The following STK33 variants were observed in gnomAD, a reference collection of about 807,000 sequenced individuals.
The protein encoded by STK33 is serine/threonine kinase 33, also known as serine/threonine-protein kinase 33.
A neutral mutation model predicts 58.0 loss-of-function variants in STK33; 52 were observed. The observed-to-expected ratio is 0.90, with a 90% CI of 0.72 to 1.13. The LOEUF is 1.13. Among genes scored for constraint, STK33 ranks in the 50% most tolerant of loss-of-function variants. The pLI is 0.00. For missense variants in STK33, 630 were observed against 604.2 expected (o/e 1.04, Z -0.45); for synonymous variants, 215 against 200.1 (o/e 1.07, Z -0.63).
At chr11:8,394,427 T>C (rs748056025) in intron 15 of STK33, among the ~76,000 whole-genome samples, 1 of 152,246 alleles carries the variant, frequency 6.6e-6, no homozygotes, top group Non-Finnish European at 1.5e-5. Flanking sequence ...TGAGTTATCA[T>C]CCAAGTTGTT....
intron 7 of STK33, among the ~76,000 whole-genome samples, chr11:8,463,042 A>T (rs913621098): frequency 6.6e-6 from 1 of 152,140 alleles, no homozygotes; most frequent in Non-Finnish European, 1.5e-5. Context: ...TTAAAATTTT[A>T]CCTAGTGTCA....
At chr11:8,418,085 ATT>A (rs146612983) in intron 14 of STK33, among the ~76,000 whole-genome samples, 2 of 150,226 alleles carry the variant, frequency 1.3e-5, no homozygotes, top group East Asian at 3.9e-4. Context: ...CTGGCTTTTC[ATT>A]TTTTTTTTAA....
intron 6 of STK33, among the ~76,000 whole-genome samples, chr11:8,469,722 G>A (rs1948591734): frequency 6.6e-6 from 1 of 152,176 alleles, no homozygotes. Flanking sequence ...CTACAAAACA[G>A]AAATCACTCT....
intron 1 of STK33, chr11:8,580,708 C>G (rs536911455): frequency 6.6e-6 from 1 of 152,132 alleles, no homozygotes; most frequent in Non-Finnish European, 1.5e-5. Flanking sequence ...GCATTGCTTG[C>G]CTATATCAAA....
At chr11:8,336,940 G>A in the STK33 span, among the ~76,000 whole-genome samples, 2 of 152,254 alleles carry the variant, frequency 1.3e-5, no homozygotes, top group Non-Finnish European at 2.9e-5. Context: ...GTGGCTCAGA[G>A]GAGGCCTCCT....
At chr11:8,461,981 T>C (rs1412628609) in intron 7 of STK33, 72 bp from the exon 8 acceptor site, 2 of 1,224,262 alleles carry the variant, frequency 1.6e-6, no homozygotes, top group Admixed American at 5.7e-5. Context: ...AAAAGTTATT[T>C]TATGTTTTCC....
At chr11:8,525,600 G>A (rs750994156) in intron 1 of STK33, among the ~76,000 whole-genome samples, 9 of 152,002 alleles carry the variant, frequency 5.9e-5, no homozygotes, top group African/African-American at 1.4e-4. Flanking sequence ...AATTTCAGGC[G>A]GATTATAAAT....
In STK33 at chr11:8,401,815, G is replaced by A. The variant is rs549798900; in HGVS notation, c.1345-9105C>T. On this transcript the variant is annotated intron_variant, in intron 15 of 15. Coordinates refer to ENST00000687296, the MANE Select transcript of STK33 (RefSeq NM_001352389.2). ...CAAAAAGTGGGCAAAGGATATGAAC[G>A]GACACTTCTCAAAAGAAGACATTTA... is the stretch of plus-strand genomic sequence containing the variant. Among the ~76,000 whole-genome samples, 477 of 151,950 alleles carry A rather than the reference G, an allele frequency of 3.1e-3. 3 individuals are homozygous for A. The highest frequency in any genetic ancestry group is 1.0e-2 in the African/African-American group (412 of 41,404).
At chr11:8,505,481 C>T (rs2139265240) in intron 1 of STK33, among the ~76,000 whole-genome samples, 1 of 152,256 alleles carries the variant, frequency 6.6e-6, no homozygotes, top group South Asian at 2.1e-4. Flanking sequence ...TCCTACCATC[C>T]TGCCCTTGCC....
chr11:8,474,925 A>C lies in STK33; in HGVS notation c.-20T>G, dbSNP rs1292120850. ...AGCCATTTGTTTAACTCTGCAACAA[A>C]AGCAACTTTAAAAATGTTTCCACTG... On this transcript the variant is annotated 5_prime_UTR_variant, in exon 5 of 16. Coordinates refer to ENST00000687296, the MANE Select transcript of STK33 (RefSeq NM_001352389.2). 6.5e-7 allele frequency: 1 copy of C among 1,547,574 alleles called. No individual in the cohort carries two copies. The highest frequency in any genetic ancestry group is 2.3e-5 in the East Asian group (1 of 43,910).
chr11:8,504,443 T>G (rs1951730053), intron 1 of STK33, among the ~76,000 whole-genome samples: 1 of 152,114 alleles, frequency 6.6e-6, no homozygotes, highest in South Asian at 2.1e-4. Flanking sequence ...GAGCCAATTG[T>G]TAAATTTTCA....
chr11:8,338,414 ATGTC>A, the STK33 span, among the ~76,000 whole-genome samples: 1 of 152,192 alleles, frequency 6.6e-6, no homozygotes, highest in Admixed American at 6.5e-5. Flanking sequence ...GTCCAGGACG[ATGTC>A]TCTGATCCTA....
intron 1 of STK33, among the ~76,000 whole-genome samples, chr11:8,570,913 A>AC (rs528346515): frequency 2.9e-4 from 44 of 152,322 alleles, no homozygotes; most frequent in African/African-American, 9.9e-4. Context: ...CACAGAGGAC[A>AC]GTTCTGCTTC....
At chr11:8,439,327 A>G (rs1944430809) in intron 12 of STK33, among the ~76,000 whole-genome samples, 1 of 152,138 alleles carries the variant, frequency 6.6e-6, no homozygotes. Flanking sequence ...ATATTATAAT[A>G]TGGTTTTTAA....
intron 8 of STK33, among the ~76,000 whole-genome samples, chr11:8,457,931 T>C (rs1407845738): frequency 6.6e-6 from 1 of 152,160 alleles, no homozygotes; most frequent in African/African-American, 2.4e-5. Flanking sequence ...GTTAATAACA[T>C]GGAGAACTTG....
At chr11:8,390,891 T>C (rs976719089), downstream of STK33, among the ~76,000 whole-genome samples, 2 of 152,232 alleles carry the variant, frequency 1.3e-5, no homozygotes, top group African/African-American at 4.8e-5. Context: ...CCCAAAAGAA[T>C]ATCACTGTGA....
intron 1 of STK33, among the ~76,000 whole-genome samples, chr11:8,502,843 G>A (rs181673568): frequency 6.6e-6 from 1 of 152,156 alleles, no homozygotes; most frequent in Admixed American, 6.5e-5. Flanking sequence ...TTCAAAATAT[G>A]ACATACATGC....
chr11:8,413,343 T>G (rs1940600319), intron 15 of STK33, 152 bp downstream of exon 15: 2 of 845,370 alleles, frequency 2.4e-6, no homozygotes, highest in Non-Finnish European at 3.7e-6. Context: ...TAAATCATGC[T>G]AGCCTTATAA....
At chr11:8,440,374 G>A (rs956733098) in intron 12 of STK33, among the ~76,000 whole-genome samples, 1 of 152,060 alleles carries the variant, frequency 6.6e-6, no homozygotes, top group Non-Finnish European at 1.5e-5. Context: ...AAAACACAAA[G>A]AAGCTTTTGG....
Sources: allele counts gnomAD v4.1 joint callset (sites outside exome capture counted in the v4.1 genomes callset), GRCh38; gene constraint gnomAD v4.1.1; transcripts MANE v1.5; gene names NCBI Gene and HGNC (gene_info 2026-07-23, HGNC 2026-07-21).